Variants in SPAG16 observed in about 807,000 individuals in gnomAD.
SPAG16 encodes sperm associated antigen 16.
SPAG16 carries 86 observed loss-of-function variants against 80.4 expected under a neutral mutation model. That is an observed-to-expected ratio of 1.07 (90% CI 0.90 to 1.28). The LOEUF is 1.28. Among genes scored for constraint, SPAG16 ranks in the 50% most tolerant of loss-of-function variants. SPAG16 has a pLI of 0.00. For missense variants in SPAG16, 870 were observed against 765.3 expected, an observed-to-expected ratio of 1.14 and a Z score of -1.61; for synonymous variants, 294 against 265.9, an observed-to-expected ratio of 1.11 and a Z score of -1.03.
chr2:214,408,792 G>A (rs1019014347), intron 15 of SPAG16, among the ~76,000 whole-genome samples: 1 of 152,226 alleles, frequency 6.6e-6, no homozygotes, highest in Non-Finnish European at 1.5e-5. Context: ...CTCTGGATTC[G>A]AAGTGCTGTG....
chr2:214,110,652 A>C (rs762579063), intron 14 of SPAG16, among the ~76,000 whole-genome samples: 3 of 152,210 alleles, frequency 2.0e-5, no homozygotes, highest in Non-Finnish European at 4.4e-5. Context: ...GTATATACCC[A>C]GTAATGGGAT....
intron 15 of SPAG16, among the ~76,000 whole-genome samples, chr2:214,249,380 AC>A (rs1230209110): frequency 6.6e-6 from 1 of 152,052 alleles, no homozygotes; most frequent in African/African-American, 2.4e-5. Flanking sequence ...ACTGTTTACC[AC>A]CCACAGATGT....
At chr2:214,075,935 C>T (rs2051052668) in intron 13 of SPAG16, among the ~76,000 whole-genome samples, 1 of 152,088 alleles carries the variant, frequency 6.6e-6, no homozygotes, top group Admixed American at 6.6e-5. Context: ...TTGATTACAA[C>T]TAATTAGCAA....
chr2:214,370,997 C>G (rs1217997201), intron 15 of SPAG16, among the ~76,000 whole-genome samples: 3 of 152,092 alleles, frequency 2.0e-5, no homozygotes, highest in Non-Finnish European at 2.9e-5. Context: ...CTTTTAGTCC[C>G]CATCCTCTGT....
At chr2:214,288,968 C>T (rs1252071974) in intron 15 of SPAG16, among the ~76,000 whole-genome samples, 3 of 152,062 alleles carry the variant, frequency 2.0e-5, no homozygotes, top group Admixed American at 6.6e-5. Flanking sequence ...CGGGGTTTCA[C>T]CGTGTTAGCC....
At chr2:214,106,701 C>T (rs1187705237) in intron 13 of SPAG16, among the ~76,000 whole-genome samples, 1 of 152,076 alleles carries the variant, frequency 6.6e-6, no homozygotes, top group Non-Finnish European at 1.5e-5. Context: ...GCAATCTCTT[C>T]TGTAATCTCT....
intron 14 of SPAG16, among the ~76,000 whole-genome samples, chr2:214,140,074 A>G (rs185395315): frequency 2.7e-4 from 41 of 152,312 alleles, no homozygotes; most frequent in African/African-American, 8.4e-4. Flanking sequence ...GTATAAAACC[A>G]AACTGTAACC....
At chr2:213,348,652 G>C (rs1280285199) in intron 6 of SPAG16, among the ~76,000 whole-genome samples, 2 of 152,132 alleles carry the variant, frequency 1.3e-5, no homozygotes, top group South Asian at 4.2e-4. Context: ...AGTTTGGCTG[G>C]ATATGAAATT....
intron 10 of SPAG16, among the ~76,000 whole-genome samples, chr2:213,582,580 T>A (rs956711836): frequency 6.6e-6 from 1 of 152,136 alleles, no homozygotes; most frequent in African/African-American, 2.4e-5. Context: ...TTTTTGATAT[T>A]CAGTTTAAGT....
At chr2:213,370,425 A>G (rs1366669670) in intron 8 of SPAG16, among the ~76,000 whole-genome samples, 1 of 152,228 alleles carries the variant, frequency 6.6e-6, no homozygotes, top group Non-Finnish European at 1.5e-5. Context: ...CATATTTTAC[A>G]AAGAGTGTAC....
intron 9 of SPAG16, among the ~76,000 whole-genome samples, chr2:213,442,285 A>G (rs2071020254): frequency 6.6e-6 from 1 of 152,194 alleles, no homozygotes; most frequent in African/African-American, 2.4e-5. Context: ...AACTAAATAA[A>G]TGGAGATTTA....
chr2:213,904,104 C>G (rs1400743579), intron 11 of SPAG16, among the ~76,000 whole-genome samples: 1 of 152,176 alleles, frequency 6.6e-6, no homozygotes. Context: ...CCACATGTTC[C>G]TGTCTTCATC....
At chr2:213,956,446 CTTT>C (rs755475252) in intron 12 of SPAG16, among the ~76,000 whole-genome samples, 16,668 of 112,908 alleles carry the variant, frequency 0.15, 1,112 homozygotes, top group Non-Finnish European at 0.21. Context: ...ATTTTTTTTC[CTTT>C]TTTTTTTTTT....
chr2:213,526,746 C>G (rs1019682605), intron 10 of SPAG16, among the ~76,000 whole-genome samples: 4 of 152,114 alleles, frequency 2.6e-5, no homozygotes, highest in Non-Finnish European at 4.4e-5. Context: ...CTGAAAATGT[C>G]TTTATTATTC....
intron 15 of SPAG16, among the ~76,000 whole-genome samples, chr2:214,304,914 A>G (rs1694809772): frequency 6.6e-6 from 1 of 152,150 alleles, no homozygotes; most frequent in Admixed American, 6.6e-5. Context: ...GCTTGGTCAA[A>G]TGGTATTTCT....
intron 12 of SPAG16, among the ~76,000 whole-genome samples, chr2:213,976,107 G>GATATATATATATATATAT (rs1491193427): frequency 1.2e-5 from 1 of 86,320 alleles, no homozygotes; most frequent in African/African-American, 5.4e-5. Context: ...GACAGTGAGG[G>GATATATATATATATATAT]AGATATATAT....
chr2:213,784,626 TAAAAAAAAAAAAAAAA>T (rs71063777), intron 10 of SPAG16, among the ~76,000 whole-genome samples: 4 of 47,904 alleles, frequency 8.4e-5, no homozygotes, highest in African/African-American at 2.8e-4. Flanking sequence ...CAATTATTTC[TAAAAAAAAAAAAAAAA>T]AAAAAAAAAA....
At chr2:213,480,793 A>G (rs977060038) in intron 9 of SPAG16, among the ~76,000 whole-genome samples, 4 of 152,218 alleles carry the variant, frequency 2.6e-5, no homozygotes, top group Non-Finnish European at 5.9e-5. Context: ...GTTAAACAGA[A>G]GTTATAATTT....
rs79478253 is a variant in SPAG16 at position 213,781,494 on chromosome 2, A to C, written c.1071-80991A>C. Among the ~76,000 whole-genome samples the C allele has an allele frequency of 9.1e-3, 1,386 of 152,146 alleles. 17 individuals carry two copies. The highest frequency in any genetic ancestry group is 0.032 in the African/African-American group (1,329 of 41,492). ...TGCTATCTAGAGTGCTCATTCTCCTAACCCCTCCCCTGCCCATACTTTCCC... is the reference window on the plus strand; with the variant it reads ...TGCTATCTAGAGTGCTCATTCTCCTCACCCCTCCCCTGCCCATACTTTCCC... On this transcript the variant is annotated intron_variant, in intron 10 of 15. Coordinates refer to ENST00000331683, the MANE Select transcript of SPAG16 (RefSeq NM_024532.5).
Sources: allele counts gnomAD v4.1 joint callset (sites outside exome capture counted in the v4.1 genomes callset), GRCh38; gene constraint gnomAD v4.1.1; transcripts MANE v1.5; gene names NCBI Gene and HGNC (gene_info 2026-07-23, HGNC 2026-07-21).